Variants in ATXN1 observed in about 807,000 individuals in gnomAD.
ATXN1 encodes ataxin 1, also known as ataxin-1.
ATXN1 carries 8 observed loss-of-function variants against 56.4 expected under a neutral mutation model. That is an observed-to-expected ratio of 0.14 (90% confidence interval 0.08 to 0.26). The LOEUF (loss-of-function observed/expected upper bound fraction) is 0.26, where lower values mean the gene tolerates loss of function less well. ATXN1 is among the 10% of genes least tolerant of loss of function. ATXN1 has a pLI of 1.00. For missense variants in ATXN1, 987 were observed against 1,106.5 expected, an observed-to-expected ratio of 0.89 and a Z score of 1.53; for synonymous variants, 514 against 494.6, an observed-to-expected ratio of 1.04 and a Z score of -0.52.
chr6:16,624,199 A>G (rs1174598442), intron 3 of ATXN1, among the ~76,000 whole-genome samples: 1 of 151,978 alleles, frequency 6.6e-6, no homozygotes, highest in Non-Finnish European at 1.5e-5. Context: ...AAAAATACAG[A>G]AATTAGCCAG....
intron 3 of ATXN1, among the ~76,000 whole-genome samples, chr6:16,626,926 G>A (rs1158280840): frequency 1.3e-5 from 2 of 152,166 alleles, no homozygotes; most frequent in Admixed American, 6.5e-5. Context: ...CAACTTTCCT[G>A]ACACTTTCAT....
intron 6 of ATXN1, among the ~76,000 whole-genome samples, chr6:16,424,038 C>T (rs752700166): frequency 1.3e-5 from 2 of 152,164 alleles, no homozygotes; most frequent in Non-Finnish European, 2.9e-5. Context: ...TTACATCCTT[C>T]GCATCACATG....
intron 5 of ATXN1, among the ~76,000 whole-genome samples, chr6:16,502,340 C>T (rs373206880): frequency 2.6e-5 from 4 of 152,280 alleles, no homozygotes; most frequent in Non-Finnish European, 4.4e-5. Context: ...TAAAAAAATA[C>T]ACTTGACAGC....
intron 2 of ATXN1, among the ~76,000 whole-genome samples, chr6:16,721,185 T>C (rs1759738177): frequency 6.6e-6 from 1 of 152,252 alleles, no homozygotes; most frequent in Non-Finnish European, 1.5e-5. Context: ...CTCATTTGTC[T>C]CATGCCGAGC....
At chr6:16,695,834 C>A (rs935069728) in intron 2 of ATXN1, among the ~76,000 whole-genome samples, 1 of 152,086 alleles carries the variant, frequency 6.6e-6, no homozygotes, top group African/African-American at 2.4e-5. Context: ...TGTGGTCGCA[C>A]AAGTCTGTAG....
At chr6:16,394,327 A>G (rs1319015069) in intron 6 of ATXN1, among the ~76,000 whole-genome samples, 3 of 152,180 alleles carry the variant, frequency 2.0e-5, no homozygotes, top group Non-Finnish European at 4.4e-5. Flanking sequence ...CGAACCCTTA[A>G]GGATAGATAG....
Position 16,305,034 on chromosome 6 carries a change from A to G in ATXN1, c.*1295T>C, listed in dbSNP as rs946448952. ...CCTTTAAACCACATTGAAACTTTCA[A>G]TATCTTGCTCTTCAGCAATTCTGCA... On this transcript the variant is annotated 3_prime_UTR_variant, in exon 8 of 8. Coordinates refer to ENST00000436367, the MANE Select transcript of ATXN1 (RefSeq NM_001128164.2). 3.9e-5 allele frequency: 6 copies of G among 152,652 alleles called. No individual in the cohort carries two copies. The highest frequency in any genetic ancestry group is 2.1e-4 in the South Asian group (1 of 4,832). 9.5% of individuals were successfully genotyped at this position (152,652 alleles called of 1,614,324 possible).
chr6:16,365,485 T>C (rs1761899060), intron 6 of ATXN1, among the ~76,000 whole-genome samples: 1 of 152,200 alleles, frequency 6.6e-6, no homozygotes, highest in African/African-American at 2.4e-5. Context: ...GGCCGAATTA[T>C]TGGTTTTCAA....
chr6:16,619,171 C>T (rs1763273878), intron 3 of ATXN1, among the ~76,000 whole-genome samples: 1 of 151,626 alleles, frequency 6.6e-6, no homozygotes, highest in South Asian at 2.1e-4. Context: ...AGAGTGCAGA[C>T]ACATGAACGT....
intron 3 of ATXN1, among the ~76,000 whole-genome samples, chr6:16,654,458 T>C (rs1247793683): frequency 6.7e-6 from 1 of 150,312 alleles, no homozygotes; most frequent in Non-Finnish European, 1.5e-5. Context: ...GCAAGAGAAT[T>C]GCTTGAACCT....
At chr6:16,312,824 C>CT (rs1760428255) in intron 7 of ATXN1, among the ~76,000 whole-genome samples, 1 of 152,142 alleles carries the variant, frequency 6.6e-6, no homozygotes, top group Admixed American at 6.5e-5. Flanking sequence ...CCCCCATACC[C>CT]CCCTCCCATA....
intron 7 of ATXN1, among the ~76,000 whole-genome samples, chr6:16,323,200 C>G (rs1455674397): frequency 1.3e-5 from 2 of 152,054 alleles, no homozygotes; most frequent in Non-Finnish European, 2.9e-5. Context: ...AAAAACACAC[C>G]TAGATCTTCC....
intron 2 of ATXN1, among the ~76,000 whole-genome samples, chr6:16,719,370 AAT>A (rs1759701661): frequency 2.6e-5 from 4 of 152,204 alleles, no homozygotes; most frequent in African/African-American, 9.7e-5. Flanking sequence ...TAAACAGCTA[AAT>A]GTCGCAAGCA....
chr6:16,549,022 C>T (rs564380761), intron 4 of ATXN1, among the ~76,000 whole-genome samples: 1 of 152,190 alleles, frequency 6.6e-6, no homozygotes, highest in Non-Finnish European at 1.5e-5. Context: ...CATATCACCT[C>T]TACCTCCACA....
intron 3 of ATXN1, among the ~76,000 whole-genome samples, chr6:16,588,892 C>T (rs1438421505): frequency 6.6e-6 from 1 of 152,130 alleles, no homozygotes; most frequent in Non-Finnish European, 1.5e-5. Flanking sequence ...AATCGTTTTC[C>T]AGCACACAGA....
intron 3 of ATXN1, among the ~76,000 whole-genome samples, chr6:16,644,514 A>G (rs1388669221): frequency 2.9e-5 from 2 of 68,156 alleles, no homozygotes; most frequent in Non-Finnish European, 5.6e-5. Flanking sequence ...ACTCCGTTTC[A>G]AAAAAAAAAA....
chr6:16,426,145 C>T (rs574065511), intron 6 of ATXN1, among the ~76,000 whole-genome samples: 1 of 152,288 alleles, frequency 6.6e-6, no homozygotes, highest in Non-Finnish European at 1.5e-5. Flanking sequence ...AAAAAATCTG[C>T]AAACCTTTTG....
chr6:16,734,831 T>C (rs1397851170), intron 2 of ATXN1, among the ~76,000 whole-genome samples: 1 of 152,162 alleles, frequency 6.6e-6, no homozygotes, highest in Non-Finnish European at 1.5e-5. Context: ...CTATAGTGGT[T>C]CCTTCTGAGG....
At chr6:16,487,598 T>G (rs905678174) in intron 5 of ATXN1, among the ~76,000 whole-genome samples, 1 of 152,230 alleles carries the variant, frequency 6.6e-6, no homozygotes, top group Admixed American at 6.5e-5. Context: ...ACTTGGTACT[T>G]GCTAAATCCA....
Sources: allele counts gnomAD v4.1 joint callset (sites outside exome capture counted in the v4.1 genomes callset), GRCh38; gene constraint gnomAD v4.1.1; transcripts MANE v1.5; gene names NCBI Gene and HGNC (gene_info 2026-07-23, HGNC 2026-07-21).